The following TMEM214 variants were observed in gnomAD, a reference collection of about 807,000 sequenced individuals.
TMEM214 encodes transmembrane protein 214.
TMEM214 carries 71 observed loss-of-function variants against 89.8 expected under a neutral mutation model. That is an observed-to-expected ratio of 0.79 (90% confidence interval 0.65 to 0.96). The LOEUF is 0.96. TMEM214 is among the 40% of genes least tolerant of loss of function. The pLI, the probability that TMEM214 is intolerant of heterozygous loss-of-function variation, is 0.00. For missense variants in TMEM214, 754 were observed against 843.4 expected (o/e 0.89, Z 1.31); for synonymous variants, 332 against 349.5 (o/e 0.95, Z 0.56).
Position 27,037,618 on chromosome 2 carries a change from A to G in TMEM214, c.1068A>G (p.Ala356=). 6.2e-7 allele frequency: 1 copy of G among 1,614,148 alleles called. No individual in the cohort carries two copies. Among genetic ancestry groups the G allele is most frequent in the Non-Finnish European group, 8.5e-7 (1 of 1,180,028 alleles). Residue 356 remains alanine, a synonymous_variant, in exon 9 of 17, where the codon GCA becomes GCG. Transcript: ENST00000238788. The part of the protein sequence containing the change: ...YPRLKVLAFG[A]KPDSTLHTYF... ...GACTGAAAGTGCTGGCATTTGGAGC[A>G]AAGCCGGATTCCACCCTGCATACCT... is the stretch of plus-strand genomic sequence containing the variant.
intron 2 of TMEM214, 65 bp from the exon 3 acceptor site, chr2:27,035,070 C>G (rs962032769): frequency 8.8e-6 from 14 of 1,594,202 alleles, no homozygotes; most frequent in Middle Eastern, 2.0e-4. Flanking sequence ...CCACCCCTAC[C>G]CCATTTCTTT....
Position 27,038,259 on chromosome 2 carries a change from C to T in TMEM214, c.1244+22C>T, listed in dbSNP as rs372624235. On this transcript the variant is annotated intron_variant, in intron 10 of 16. Transcript: ENST00000238788. The surrounding 1 kb of genome is among the most constrained non-coding windows in gnomAD (Gnocchi z 4.4). ...CCAGGCAGGTGGGGTGGGAGGCCAG[C>T]CTGTCCCTGTGCTAGAAGCAGAAGG... 14 of 1,609,896 alleles carry T rather than the reference C, an allele frequency of 8.7e-6. No individual in the cohort carries two copies. The African/African-American group carries it at 1.9e-4, about 22-fold the overall frequency.
chr2:27,035,558 G>A, intron 3 of TMEM214, 36 bp from the exon 4 acceptor site: 3 of 1,611,958 alleles, frequency 1.9e-6, no homozygotes, highest in Non-Finnish European at 1.7e-6. Flanking sequence ...ATGGGTGTCT[G>A]GTCCTAGCAC....
At chr2:27,040,255 G>T (rs374564430) in intron 15 of TMEM214, 57 bp downstream of exon 15, 7 of 1,605,530 alleles carry the variant, frequency 4.4e-6, no homozygotes, top group Non-Finnish European at 5.9e-6. Context: ...GCAGAATTCT[G>T]GGAAAGGAGC....
At chr2:27,034,524 G>T in intron 2 of TMEM214, 1 of 467,878 alleles carries the variant, frequency 2.1e-6, no homozygotes, top group South Asian at 2.6e-5. Flanking sequence ...CCAGGGAGGA[G>T]ATGGAGAAAC....
chr2:27,035,679 T>G lies in TMEM214; in HGVS notation c.588T>G (p.Phe196Leu). The G allele has an allele frequency of 6.2e-7, 1 of 1,614,180 alleles. No individual in the cohort carries two copies. ...AGGCAGCAGGGTCTCTGGAGCTCTT[T>G]TTTGACCACTGTCTGTTCACCATGT... Reference protein sequence around the residue: ...LAKAAGSLELFFDHCLFTMLQ... With the variant: ...LAKAAGSLELLFDHCLFTMLQ... The change falls in exon 4 of 17, where the codon TTT becomes TTG. Residue 196 changes from phenylalanine (F) to leucine (L), a missense_variant. Phe to Leu is a conservative substitution (Grantham distance 22, BLOSUM62 0). Transcript: ENST00000238788.
In TMEM214 at chr2:27,036,796, G is replaced by A. The variant is rs766282850; in HGVS notation, c.908+10G>A. ...TGGATCGGCTGCTCCTGTGAGTAAT[G>A]GGAGGGCAGCAAGGGGAAGGCTCAG... On this transcript the variant is annotated intron_variant, in intron 7 of 16. Coordinates refer to ENST00000238788, the MANE Select transcript of TMEM214 (RefSeq NM_017727.5). 6.2e-7 allele frequency: 1 copy of A among 1,613,854 alleles called. No homozygotes were observed. Among genetic ancestry groups the A allele is most frequent in the Admixed American group, 1.7e-5 (1 of 60,016 alleles).
rs772253845 is a variant in TMEM214 at position 27,039,706 on chromosome 2, C to T, written c.1526-35C>T. ...CTGTCTCCCCAGTCCCTGCCCCTCT[C>T]ACCTCCCAGCTCACCAGAGGCCCCC... On this transcript the variant is annotated intron_variant, in intron 13 of 16. Coordinates refer to ENST00000238788, the MANE Select transcript of TMEM214 (RefSeq NM_017727.5). 1.5e-5 allele frequency: 24 copies of T among 1,582,658 alleles called. No homozygotes were observed. The South Asian group carries it at 2.2e-4, about 15-fold the overall frequency.
At chr2:27,039,716 C>T (rs761045141) in intron 13 of TMEM214, 25 bp from the exon 14 acceptor site, 11 of 1,605,140 alleles carry the variant, frequency 6.9e-6, no homozygotes, top group Non-Finnish European at 8.5e-6. Context: ...CACCTCCCAG[C>T]TCACCAGAGG....
chr2:27,034,590 T>A, intron 2 of TMEM214: 2 of 269,136 alleles, frequency 7.4e-6, no homozygotes, highest in Non-Finnish European at 1.4e-5. Flanking sequence ...TGTCTTGTCC[T>A]CTGTTTTCCT....
chr2:27,037,865 G>A (rs1667637027), intron 9 of TMEM214, 163 bp downstream of exon 9: 1 of 1,559,016 alleles, frequency 6.4e-7, no homozygotes, highest in South Asian at 1.2e-5. Context: ...ACCCTCAGAA[G>A]ATGGATCCCA....
intron 2 of TMEM214, 59 bp downstream of exon 2, chr2:27,034,325 G>T (rs1667455719): frequency 1.1e-5 from 17 of 1,571,504 alleles, no homozygotes; most frequent in Non-Finnish European, 1.4e-5. Flanking sequence ...TAGAGAAGAT[G>T]AGAGGAGGGG....
At chr2:27,034,377 T>G in intron 2 of TMEM214, 111 bp downstream of exon 2, 1 of 1,260,346 alleles carries the variant, frequency 7.9e-7, no homozygotes, top group Non-Finnish European at 1.1e-6. Flanking sequence ...TTTGAAACAC[T>G]TTAAGGGTTG....
In TMEM214 at chr2:27,037,592, C is replaced by T. The variant is rs1374158809; in HGVS notation, c.1042C>T (p.Arg348Ter). ...GGAGCAGCTGTGTCAGCTCTACCCC[C>T]GACTGAAAGTGCTGGCATTTGGAGC... is the stretch of plus-strand genomic sequence containing the variant. Reference protein sequence around the residue: ...LQEQLCQLYPRLKVLAFGAKP... With the variant: ...LQEQLCQLYP The change falls in exon 9 of 17, where the codon CGA becomes TGA. Residue 348 changes from arginine to a stop codon, truncating the protein, a stop_gained. Transcript: ENST00000238788. LOFTEE classifies it high-confidence loss of function. The T allele has an allele frequency of 3.7e-6, 6 of 1,614,074 alleles. No individual in the cohort carries two copies. Among genetic ancestry groups the T allele is most frequent in the South Asian group, 3.3e-5 (3 of 91,088 alleles).
In TMEM214 at chr2:27,040,444, C is replaced by A; in HGVS notation, c.1891C>A (p.Leu631Ile). ...GAATGTGCTGCTGCCACTGTGGCAC[C>A]TCTTGCTTGAGGCCCTGGCCTGGGC... ...HQNVLLPLWHLLLEALAWAQE... is the reference protein window; with the variant it reads ...HQNVLLPLWHILLEALAWAQE... Residue 631 changes from leucine (L) to isoleucine (I), a missense_variant, in exon 16 of 17, where the codon CTC becomes ATC. Physicochemically the swap from Leu to Ile is conservative, Grantham distance 5. Transcript: ENST00000238788. The A allele has an allele frequency of 6.2e-7, 1 of 1,614,212 alleles. No homozygotes were observed. Among genetic ancestry groups the A allele is most frequent in the East Asian group, 2.2e-5 (1 of 44,878 alleles).
chr2:27,036,285 C>T (rs1373123907), intron 5 of TMEM214, among the ~76,000 whole-genome samples: 1 of 152,226 alleles, frequency 6.6e-6, no homozygotes, highest in Non-Finnish European at 1.5e-5. Context: ...AGTTCAGTAA[C>T]TTTCCTAGGC....
At position 27,041,467 on chromosome 2, in the gene TMEM214, C is replaced by G. The variant is rs1667831193; in HGVS notation, c.*630C>G. On this transcript the variant is annotated 3_prime_UTR_variant, in exon 17 of 17. Transcript: ENST00000238788. ...CTCTAAGCCCCTCCCTGTCCCCTCCCTTGTAGTCCTACTTCTTCCAACTTT... is the reference window on the plus strand; with the variant it reads ...CTCTAAGCCCCTCCCTGTCCCCTCCGTTGTAGTCCTACTTCTTCCAACTTT... 1 of 154,390 alleles carries G rather than the reference C, an allele frequency of 6.5e-6. No individual in the cohort carries two copies. Among genetic ancestry groups the G allele is most frequent in the South Asian group, 2.1e-4 (1 of 4,838 alleles). The allele number at this position is 154,390 out of a possible 1,614,324, so 9.6% of individuals were successfully genotyped here. A position where few individuals can be genotyped will look rare whatever the true frequency, so the allele number is the denominator to read the frequency against.
In TMEM214 at chr2:27,034,224, G is replaced by A; in HGVS notation, c.309G>A (p.Gln103=). The A allele has an allele frequency of 6.2e-7, 1 of 1,614,156 alleles. No homozygotes were observed. Among genetic ancestry groups the A allele is most frequent in the Non-Finnish European group, 8.5e-7 (1 of 1,180,040 alleles). The change falls in exon 2 of 17, where the codon CAG becomes CAA. Residue 103 remains glutamine (Q), a synonymous_variant. Coordinates refer to ENST00000238788, the MANE Select transcript of TMEM214 (RefSeq NM_017727.5). The stretch of plus-strand genomic sequence containing the variant: ...TGGCAACTCCTCCCAACCAAAACCA[G>A]AAGCAGGGCCGCTTCCGCAGCCTGG... The part of the protein sequence containing the change: ...KKVATPPNQN[Q]KQGRFRSLEE...
At chr2:27,036,460 A>G (rs775817794) in intron 5 of TMEM214, 27 bp from the exon 6 acceptor site, 6 of 1,592,846 alleles carry the variant, frequency 3.8e-6, no homozygotes, top group South Asian at 3.3e-5. Context: ...TCCTATCCCA[A>G]TCTGCCTTCC....
Sources: allele counts gnomAD v4.1 joint callset (sites outside exome capture counted in the v4.1 genomes callset), GRCh38; gene constraint gnomAD v4.1.1; non-coding constraint Gnocchi (gnomAD v3.1); transcripts MANE v1.5; gene names NCBI Gene and HGNC (gene_info 2026-07-23, HGNC 2026-07-21).